WWOX: variants seen among roughly 807,000 people sequenced by gnomAD.
The protein encoded by WWOX is WW domain containing oxidoreductase.
Under a neutral mutation model 46.2 loss-of-function variants are expected in WWOX, and 69 were observed. The ratio of observed to expected loss-of-function variants is 1.49; its 90% CI spans 1.23 to 1.82. The LOEUF (loss-of-function observed/expected upper bound fraction) is 1.82, where lower values mean the gene tolerates loss of function less well. Among genes scored for constraint, WWOX ranks in the 40% most tolerant of loss-of-function variants. The pLI, the probability that WWOX is intolerant of heterozygous loss-of-function variation, is 0.00. For synonymous variants in WWOX, 359 were observed against 202.6 expected (o/e 1.77, Z -6.56); for missense variants, 919 against 542.6 (o/e 1.69, Z -6.89).
intron 8 of WWOX, among the ~76,000 whole-genome samples, chr16:78,500,408 C>CTTT (rs1940773519): frequency 6.7e-6 from 1 of 148,716 alleles, no homozygotes; most frequent in Non-Finnish European, 1.5e-5. Context: ...TTTCTTCTTT[C>CTTT]CTTCCTTCCT....
chr16:78,702,122 A>ATATATATATATATATATTTTTTTT (rs1491111113), intron 8 of WWOX, among the ~76,000 whole-genome samples: 1 of 121,786 alleles, frequency 8.2e-6, no homozygotes, highest in African/African-American at 3.0e-5. Flanking sequence ...ATATATATAT[A>ATATATATATATATATATTTTTTTT]TTTATTTATT....
chr16:78,537,063 T>G (rs940443359), intron 8 of WWOX, among the ~76,000 whole-genome samples: 5 of 152,048 alleles, frequency 3.3e-5, no homozygotes, highest in Non-Finnish European at 7.4e-5. Context: ...ACTACAGGCA[T>G]GTACCACCAC....
intron 8 of WWOX, among the ~76,000 whole-genome samples, chr16:78,509,860 G>C (rs111268286): frequency 6.6e-6 from 1 of 151,692 alleles, no homozygotes; most frequent in Admixed American, 6.6e-5. Context: ...GGCCGAGGCA[G>C]GAGGATCACT....
chr16:79,046,450 G>A (rs1338028002), intron 8 of WWOX, among the ~76,000 whole-genome samples: 1 of 152,208 alleles, frequency 6.6e-6, no homozygotes, highest in Non-Finnish European at 1.5e-5. Flanking sequence ...ACATGGTTCT[G>A]GAGACTGGGA....
intron 8 of WWOX, among the ~76,000 whole-genome samples, chr16:78,882,024 G>A (rs1029766875): frequency 6.6e-6 from 1 of 152,140 alleles, no homozygotes; most frequent in Non-Finnish European, 1.5e-5. Context: ...TACTCTGAAG[G>A]CTGAGGCAGG....
intron 8 of WWOX, chr16:78,898,115 C>G (rs982176258): frequency 6.6e-6 from 1 of 151,232 alleles, no homozygotes; most frequent in Non-Finnish European, 1.5e-5. Context: ...CTATTTATTC[C>G]TTAATGGTGT....
At chr16:78,393,542 A>AT (rs2082221606) in intron 6 of WWOX, among the ~76,000 whole-genome samples, 1 of 152,176 alleles carries the variant, frequency 6.6e-6, no homozygotes, top group Admixed American at 6.5e-5. Flanking sequence ...TAAGTCCCTG[A>AT]TAAAATAGAG....
At chr16:79,158,252 C>G (rs2050420083) in intron 8 of WWOX, among the ~76,000 whole-genome samples, 1 of 152,238 alleles carries the variant, frequency 6.6e-6, no homozygotes, top group East Asian at 1.9e-4. Context: ...GAAACATTTT[C>G]AAAATACCTG....
intron 5 of WWOX, among the ~76,000 whole-genome samples, chr16:78,187,691 T>C (rs1567619495): frequency 2.0e-5 from 3 of 152,298 alleles, no homozygotes; most frequent in Non-Finnish European, 4.4e-5. Flanking sequence ...AGGTGTGACA[T>C]TGTGTAACAG....
At chr16:78,332,006 G>T (rs1446920021) in intron 5 of WWOX, among the ~76,000 whole-genome samples, 1 of 152,166 alleles carries the variant, frequency 6.6e-6, no homozygotes, top group Admixed American at 6.5e-5. Flanking sequence ...AGCCGAGGAA[G>T]GTCAAGTTTG....
chr16:79,043,413 C>T (rs914679053), intron 8 of WWOX, among the ~76,000 whole-genome samples: 2 of 152,124 alleles, frequency 1.3e-5, no homozygotes, highest in Admixed American at 1.3e-4. Flanking sequence ...TTAAGACCAA[C>T]ATTGAGGATG....
intron 8 of WWOX, among the ~76,000 whole-genome samples, chr16:78,492,101 G>T (rs1439621644): frequency 3.3e-5 from 5 of 152,128 alleles, no homozygotes; most frequent in African/African-American, 1.2e-4. Flanking sequence ...CAGATTCCCA[G>T]CCAACTGGTT....
At chr16:78,798,829 C>G (rs955908751) in intron 8 of WWOX, among the ~76,000 whole-genome samples, 1 of 152,134 alleles carries the variant, frequency 6.6e-6, no homozygotes, top group Non-Finnish European at 1.5e-5. Flanking sequence ...AGCTAATGTT[C>G]CATATCAGAT....
At chr16:79,189,830 T>C (rs915353963) in intron 8 of WWOX, among the ~76,000 whole-genome samples, 30 of 150,836 alleles carry the variant, frequency 2.0e-4, no homozygotes, top group South Asian at 2.1e-4. Flanking sequence ...CATCTTGCAA[T>C]TGATAGGAGC....
intron 8 of WWOX, among the ~76,000 whole-genome samples, chr16:78,442,100 G>T (rs2083457659): frequency 6.6e-6 from 1 of 151,506 alleles, no homozygotes; most frequent in African/African-American, 2.4e-5. Context: ...TGGTGCCCCT[G>T]CACTCCATCC....
chr16:78,764,490 C>G (rs878986289), intron 8 of WWOX, among the ~76,000 whole-genome samples: 1 of 147,860 alleles, frequency 6.8e-6, no homozygotes, highest in African/African-American at 2.5e-5. Context: ...TTCATCCAAA[C>G]CAGTTACCTG....
chr16:78,608,480 G>C (rs141145980), intron 8 of WWOX, among the ~76,000 whole-genome samples: 136 of 152,334 alleles, frequency 8.9e-4, no homozygotes, highest in Non-Finnish European at 1.4e-3. Context: ...CTTGGCCACA[G>C]TGTTTTCCCT....
At chr16:78,275,771 C>G (rs2079565071) in intron 5 of WWOX, among the ~76,000 whole-genome samples, 1 of 152,160 alleles carries the variant, frequency 6.6e-6, no homozygotes, top group African/African-American at 2.4e-5. Context: ...CTTAAGGCAA[C>G]ACTTTCAGTC....
intron 8 of WWOX, among the ~76,000 whole-genome samples, chr16:78,967,396 A>G (rs1553820): frequency 7.5e-6 from 1 of 133,538 alleles, no homozygotes; most frequent in Admixed American, 7.7e-5. Context: ...CTTTCCACCC[A>G]CCTCAGCCTC....
Sources: allele counts gnomAD v4.1 joint callset (sites outside exome capture counted in the v4.1 genomes callset), GRCh38; gene constraint gnomAD v4.1.1; transcripts MANE v1.5; gene names NCBI Gene and HGNC (gene_info 2026-07-23, HGNC 2026-07-21).